Variants in FASTKD1 observed in about 807,000 individuals in gnomAD.
FASTKD1 encodes the protein FAST kinase domains 1.
A neutral mutation model predicts 90.9 loss-of-function variants in FASTKD1; 94 were observed. That is an observed-to-expected ratio of 1.03 (90% CI 0.88 to 1.23). The LOEUF (loss-of-function observed/expected upper bound fraction) is 1.23. Among genes scored for constraint, FASTKD1 ranks in the 50% most tolerant of loss-of-function variants. FASTKD1 has a pLI of 0.00. For missense variants in FASTKD1, 945 were observed against 993.5 expected (o/e 0.95, Z 0.66); for synonymous variants, 319 against 345.8 (o/e 0.92, Z 0.86).
chr2:169,537,384 C>CT (rs374005564), intron 11 of FASTKD1, 44 bp from the exon 12 acceptor site: 50,268 of 959,610 alleles, frequency 0.052, no homozygotes, highest in South Asian at 0.059. Context: ...TCTTTTTTTT[C>CT]TTTTTTTTTT....
At position 169,573,041 on chromosome 2, in the gene FASTKD1, G is replaced by A. The variant is rs535399517; in HGVS notation, c.-143+628C>T. On this transcript the variant is annotated intron_variant, in intron 1 of 14. Transcript: ENST00000453153. ...CCATTTTACAGATAAGGCAAAATAG[G>A]TTCAAAAAGGTTTAAAAAATCCTTC... 3 of 152,214 alleles carry A rather than the reference G, an allele frequency of 2.0e-5. No homozygotes were observed. The East Asian group carries it at 5.8e-4, about 29-fold the overall frequency. 9.4% of individuals were successfully genotyped at this position (152,214 alleles called of 1,614,324 possible).
At chr2:169,538,405 G>A (rs539513958) in intron 10 of FASTKD1, among the ~76,000 whole-genome samples, 26 of 152,134 alleles carry the variant, frequency 1.7e-4, no homozygotes, top group African/African-American at 5.5e-4. Context: ...AGCAGGGCAC[G>A]GTGGCTCATG....
At chr2:169,550,004 A>T (rs1685418027) in intron 7 of FASTKD1, among the ~76,000 whole-genome samples, 1 of 152,206 alleles carries the variant, frequency 6.6e-6, no homozygotes, top group Non-Finnish European at 1.5e-5. Flanking sequence ...TATAAAATCC[A>T]GGTAAAAGAT....
chr2:169,560,520 A>G lies in FASTKD1; in HGVS notation c.838T>C (p.Phe280Leu). 1.9e-6 allele frequency: 3 copies of G among 1,604,332 alleles called. No homozygotes were observed. Among genetic ancestry groups the G allele is most frequent in the Non-Finnish European group, 2.6e-6 (3 of 1,175,786 alleles). ...ATTATAATAAATTCAAAACTATTAA[A>G]TTGTAGAAATTTGTATACACTAAGT... is the stretch of plus-strand genomic sequence containing the variant. ...KILSVYKFLQ[F>L]NSFEFIIMAK... is the part of the protein sequence containing the mutation. The change falls in exon 5 of 15, where the codon TTT becomes CTT. Residue 280 changes from phenylalanine to leucine, a missense_variant. By Grantham distance (22) the Phe-to-Leu change is conservative. Transcript: ENST00000453153.
chr2:169,547,146 G>C (rs1414855405), intron 7 of FASTKD1, among the ~76,000 whole-genome samples: 1 of 152,190 alleles, frequency 6.6e-6, no homozygotes, highest in Non-Finnish European at 1.5e-5. Context: ...AGAACTCAGG[G>C]AAGCAGTTGT....
rs1559157121 is a variant in FASTKD1, at chr2:169,561,951, TTATTAATTTA to T, written c.573-1176_573-1167del. On this transcript the variant is annotated intron_variant, in intron 4 of 14. Transcript: ENST00000453153. ...TATTTGTTAATTTATTATAAATTAA[TTATTAATTTA>T]TTGTAAATTAATTATTCATTAATTT... is the stretch of plus-strand genomic sequence containing the variant. Among the ~76,000 whole-genome samples the T allele has an allele frequency of 2.2e-3, 292 of 131,142 alleles. 87 individuals are homozygous for T. The highest frequency in any genetic ancestry group is 8.0e-3 in the African/African-American group (283 of 35,522). The allele number at this position is 131,142 out of a possible 152,430, so 86.0% of individuals were successfully genotyped here. A position where few individuals can be genotyped will look rare whatever the true frequency, so the allele number is the denominator to read the frequency against.
intron 12 of FASTKD1, among the ~76,000 whole-genome samples, chr2:169,533,078 ATT>A (rs1231453261): frequency 6.6e-6 from 1 of 152,108 alleles, no homozygotes; most frequent in Non-Finnish European, 1.5e-5. Context: ...ATCCTTGATC[ATT>A]GAGTTCATTA....
chr2:169,564,504 C>A (rs552114682), intron 3 of FASTKD1, among the ~76,000 whole-genome samples: 1 of 152,152 alleles, frequency 6.6e-6, no homozygotes, highest in Non-Finnish European at 1.5e-5. Flanking sequence ...TACAAGCATG[C>A]AACGCAAAAT....
intron 5 of FASTKD1, among the ~76,000 whole-genome samples, chr2:169,559,597 T>C (rs1331790835): frequency 6.6e-6 from 1 of 152,146 alleles, no homozygotes; most frequent in African/African-American, 2.4e-5. Context: ...TTGTATTTTT[T>C]TGTACAGACA....
chr2:169,544,848 A>T lies in FASTKD1; in HGVS notation c.1702-13T>A. ...TAAAAGGATGGATCTGTATAAAAAG[A>T]ACAAAAAATTTATAGTTTAAACTTT... On this transcript the variant is annotated splice_polypyrimidine_tract_variant and intron_variant, in intron 8 of 14. Transcript: ENST00000453153. 6.8e-7 allele frequency: 1 copy of T among 1,463,734 alleles called. No individual in the cohort carries two copies. Among genetic ancestry groups the T allele is most frequent in the Non-Finnish European group, 9.4e-7 (1 of 1,065,214 alleles). The allele number at this position is 1,463,734 out of a possible 1,614,324, so 90.7% of individuals were successfully genotyped here. A position where few individuals can be genotyped will look rare whatever the true frequency, so the allele number is the denominator to read the frequency against.
At chr2:169,560,993 A>AT (rs1271057278) in intron 4 of FASTKD1, among the ~76,000 whole-genome samples, 5 of 148,494 alleles carry the variant, frequency 3.4e-5, no homozygotes, top group African/African-American at 4.9e-5. Context: ...ACATAAGTGT[A>AT]TTTTTTTTAA....
chr2:169,555,565 A>G (rs1449068662), intron 6 of FASTKD1, among the ~76,000 whole-genome samples: 1 of 152,214 alleles, frequency 6.6e-6, no homozygotes, highest in Non-Finnish European at 1.5e-5. Flanking sequence ...CATCCTCCCC[A>G]TAACAAAATC....
Position 169,546,687 on chromosome 2 carries a change from A to G in FASTKD1, c.1232T>C (p.Phe411Ser). Residue 411 changes from phenylalanine (F) to serine (S), a missense_variant, in exon 8 of 15, where the codon TTC becomes TCC. By Grantham distance (155) the Phe-to-Ser change is radical. Transcript: ENST00000453153. ...CAGAACAGACACCTCAGTTGGTATG[A>G]AACTATTTTTCAAATAACTGCAAAA... Reference protein sequence around the residue: ...ELLLSYLKNSFIPTEVSVLVR... With the variant: ...ELLLSYLKNSSIPTEVSVLVR... The G allele has an allele frequency of 6.3e-7, 1 of 1,595,498 alleles. No individual in the cohort carries two copies. The highest frequency in any genetic ancestry group is 1.1e-5 in the South Asian group (1 of 88,844).
intron 9 of FASTKD1, among the ~76,000 whole-genome samples, chr2:169,540,617 T>C (rs562835011): frequency 6.6e-6 from 1 of 152,244 alleles, no homozygotes; most frequent in Non-Finnish European, 1.5e-5. Flanking sequence ...ATATGTTACA[T>C]ACCATTCTAA....
At position 169,557,316 on chromosome 2, in the gene FASTKD1, A is replaced by C. The variant is rs1683366800; in HGVS notation, c.972-19T>G. ...TTTAAGTCTAGAAGCAAAAAAAAAA[A>C]AGTTTTTGGTTGAAAGACTGAAAAT... On this transcript the variant is annotated intron_variant, in intron 5 of 14. Transcript: ENST00000453153. 2 of 1,476,122 alleles carry C rather than the reference A, an allele frequency of 1.4e-6. No individual in the cohort carries two copies. The highest frequency in any genetic ancestry group is 1.8e-6 in the Non-Finnish European group (2 of 1,086,300). The allele number at this position is 1,476,122 out of a possible 1,614,324, so 91.4% of individuals were successfully genotyped here. A position where few individuals can be genotyped will look rare whatever the true frequency, so the allele number is the denominator to read the frequency against.
chr2:169,531,543 A>G, intron 12 of FASTKD1, 53 bp from the exon 13 acceptor site: 1 of 1,409,658 alleles, frequency 7.1e-7, no homozygotes, highest in Non-Finnish European at 9.7e-7. Context: ...CTTACAGATA[A>G]AAGTTTAAGA....
chr2:169,538,262 C>A (rs1559140251), intron 10 of FASTKD1, 121 bp from the exon 11 acceptor site: 1 of 794,064 alleles, frequency 1.3e-6, no homozygotes, highest in East Asian at 2.6e-5. Context: ...GTATTTAGAA[C>A]TGTTTACATT....
chr2:169,562,263 T>C (rs1453579364), intron 4 of FASTKD1, among the ~76,000 whole-genome samples: 3 of 151,766 alleles, frequency 2.0e-5, no homozygotes, highest in African/African-American at 4.8e-5. Flanking sequence ...GACAGAGTCT[T>C]GCTCTGTTGC....
Position 169,552,765 on chromosome 2 carries a change from G to A in FASTKD1, c.1214+2359C>T, listed in dbSNP as rs191643963. Among the ~76,000 whole-genome samples, 3 of 152,218 alleles carry A rather than the reference G, an allele frequency of 2.0e-5. No homozygotes were observed. The East Asian group carries it at 5.8e-4, about 29-fold the overall frequency. ...TCAGAAAAGGGAGGTTGGTAGGCAAGCTAGGGACAAAAAAACAACACATTA... is the reference window on the plus strand; with the variant it reads ...TCAGAAAAGGGAGGTTGGTAGGCAAACTAGGGACAAAAAAACAACACATTA... On this transcript the variant is annotated intron_variant, in intron 7 of 14. Coordinates refer to ENST00000453153, the MANE Select transcript of FASTKD1 (RefSeq NM_024622.6).
Sources: allele counts gnomAD v4.1 joint callset (sites outside exome capture counted in the v4.1 genomes callset), GRCh38; gene constraint gnomAD v4.1.1; transcripts MANE v1.5; gene names NCBI Gene and HGNC (gene_info 2026-07-23, HGNC 2026-07-21).